The following ENOSF1 variants were observed in gnomAD, a reference collection of about 807,000 sequenced individuals.
ENOSF1 encodes mitochondrial enolase superfamily member 1.
A neutral mutation model predicts 68.2 loss-of-function variants in ENOSF1; 73 were observed. The ratio of observed to expected loss-of-function variants is 1.07; its 90% CI spans 0.89 to 1.30. The LOEUF (loss-of-function observed/expected upper bound fraction) is 1.30, where lower values mean the gene tolerates loss of function less well. ENOSF1 is among the 50% of genes most tolerant of loss of function. The pLI, the probability that ENOSF1 is intolerant of heterozygous loss-of-function variation, is 0.00. For missense variants in ENOSF1, 589 were observed against 554.5 expected (o/e 1.06, Z -0.62); for synonymous variants, 223 against 210.4 (o/e 1.06, Z -0.52).
rs371338692 is a variant in ENOSF1, at chr18:697,333, G to A, written c.216C>T (p.Leu72=). 13 of 1,613,594 alleles carry A rather than the reference G, an allele frequency of 8.1e-6. No individual in the cohort carries two copies. The highest frequency in any genetic ancestry group is 4.4e-5 in the South Asian group (4 of 91,062). ...TEVVVCAVNA[L]AHHVLNKDLK... ...GGTCCTTGTTGAGCACATGGTGGGC[G>A]AGGGCATTCACAGCACAGACAACTA... The change falls in exon 3 of 16, where the codon CTC becomes CTT. Residue 72 remains leucine (L), a synonymous_variant. Coordinates refer to ENST00000647584, the MANE Select transcript of ENOSF1 (RefSeq NM_017512.7).
intron 1 of ENOSF1, among the ~76,000 whole-genome samples, chr18:708,216 G>A (rs925125986): frequency 1.3e-5 from 2 of 152,130 alleles, no homozygotes; most frequent in Non-Finnish European, 2.9e-5. Context: ...TCGTGGCTGA[G>A]GGAGCTGTAT....
intron 2 of ENOSF1, among the ~76,000 whole-genome samples, chr18:700,563 G>A (rs923963701): frequency 6.6e-6 from 1 of 152,116 alleles, no homozygotes; most frequent in Admixed American, 6.5e-5. Flanking sequence ...CTCAACAGGA[G>A]ACTAGAATTT....
intron 14 of ENOSF1, among the ~76,000 whole-genome samples, chr18:677,128 AAT>A (rs1222850492): frequency 6.6e-6 from 1 of 152,216 alleles, no homozygotes; most frequent in African/African-American, 2.4e-5. Context: ...GTACTTAAAA[AAT>A]AAAGTGAGTC....
Position 670,875 on chromosome 18 carries a change from G to C in ENOSF1, c.*3430C>G, listed in dbSNP as rs371169718. 14 of 1,613,576 alleles carry C rather than the reference G, an allele frequency of 8.7e-6. No individual in the cohort carries two copies. In the African/African-American group the frequency reaches 1.9e-4, roughly 22 times the overall value. On this transcript the variant is annotated 3_prime_UTR_variant, in exon 16 of 16. Coordinates refer to ENST00000647584, the MANE Select transcript of ENOSF1 (RefSeq NM_017512.7). ...CACATCACGGGCCTGAAGGTGGGCT[G>C]TCTCGGGAAGGGTGACTTGCCAGCC...
downstream of ENOSF1, chr18:668,956 G>C: frequency 1.3e-6 from 1 of 759,390 alleles, no homozygotes; most frequent in Non-Finnish European, 2.1e-6. Flanking sequence ...ATGTCTTGTA[G>C]CCATGGGTCA....
intron 2 of ENOSF1, among the ~76,000 whole-genome samples, chr18:698,678 T>C (rs992004945): frequency 6.6e-6 from 1 of 152,140 alleles, no homozygotes; most frequent in African/African-American, 2.4e-5. Context: ...TGGAGTGCAG[T>C]GGCGGGATCT....
intron 12 of ENOSF1, chr18:678,196 C>T: frequency 3.3e-6 from 1 of 305,732 alleles, no homozygotes. Context: ...AATACGGTGA[C>T]AGTGATGAGC....
chr18:708,479 T>A (rs1261919197), intron 1 of ENOSF1, among the ~76,000 whole-genome samples: 1 of 152,022 alleles, frequency 6.6e-6, no homozygotes, highest in Non-Finnish European at 1.5e-5. Flanking sequence ...GAGACTAGCC[T>A]GGGCAACAAA....
intron 2 of ENOSF1, among the ~76,000 whole-genome samples, chr18:697,609 G>A (rs904235723): frequency 1.3e-5 from 2 of 151,886 alleles, no homozygotes; most frequent in African/African-American, 4.8e-5. Context: ...AAATTAGCAG[G>A]GCACAGTGGT....
At chr18:684,153 C>T (rs1023179510) in intron 10 of ENOSF1, among the ~76,000 whole-genome samples, 4 of 151,918 alleles carry the variant, frequency 2.6e-5, no homozygotes, top group African/African-American at 9.7e-5. Flanking sequence ...ACCACCACAC[C>T]AGGCTATTTT....
At chr18:696,943 C>A (rs1444528219) in intron 3 of ENOSF1, among the ~76,000 whole-genome samples, 1 of 151,942 alleles carries the variant, frequency 6.6e-6, no homozygotes, top group Non-Finnish European at 1.5e-5. Context: ...GTGGTCAAAC[C>A]CCATCTCTAC....
intron 2 of ENOSF1, among the ~76,000 whole-genome samples, chr18:697,693 G>A (rs1270564473): frequency 1.3e-5 from 2 of 152,256 alleles, no homozygotes; most frequent in Non-Finnish European, 2.9e-5. Context: ...AGAGGTTGCA[G>A]TGAGCCGAGA....
chr18:669,011 C>CCAT, downstream of ENOSF1: 1 of 1,381,604 alleles, frequency 7.2e-7, no homozygotes. Context: ...ACCTCTAAGG[C>CCAT]CATCTCATGA....
intron 15 of ENOSF1, 52 bp downstream of exon 15, chr18:675,269 T>G (rs1197177937): frequency 1.4e-6 from 2 of 1,381,364 alleles, no homozygotes; most frequent in Non-Finnish European, 2.0e-6. Context: ...GAGACAGGCG[T>G]GGCAGTGGCT....
rs558986489 is a variant in ENOSF1, at chr18:674,042, G to T, written c.*263C>A. The T allele has an allele frequency of 6.1e-5, 19 of 312,220 alleles. No homozygotes were observed. The highest frequency in any genetic ancestry group is 9.7e-5 in the Admixed American group (2 of 20,520). The allele number at this position is 312,220 out of a possible 1,614,324, so 19.3% of individuals were successfully genotyped here. On this transcript the variant is annotated 3_prime_UTR_variant, in exon 16 of 16. Coordinates refer to ENST00000647584, the MANE Select transcript of ENOSF1 (RefSeq NM_017512.7). ...GTTTAATGTCTAGGTGCCAGCCCTTGATATAGCTATTTTTGTAAGAACATC... is the reference window on the plus strand; with the variant it reads ...GTTTAATGTCTAGGTGCCAGCCCTTTATATAGCTATTTTTGTAAGAACATC...
chr18:705,145 A>C (rs1306426331), intron 2 of ENOSF1, among the ~76,000 whole-genome samples: 1 of 152,246 alleles, frequency 6.6e-6, no homozygotes, highest in Non-Finnish European at 1.5e-5. Flanking sequence ...TCAATGGGCC[A>C]AGATTTTTTT....
downstream of ENOSF1, chr18:669,366 ATTTTTT>A (rs68090938): frequency 7.9e-4 from 152 of 192,090 alleles, no homozygotes; most frequent in Middle Eastern, 6.2e-3. Context: ...GGCCCAGAGG[ATTTTTT>A]TTTTTTTTTT....
At chr18:678,595 C>G (rs547887352) in intron 12 of ENOSF1, 101 bp downstream of exon 12, 7 of 1,151,274 alleles carry the variant, frequency 6.1e-6, no homozygotes, top group East Asian at 4.7e-5. Context: ...ACTCAAAGTA[C>G]AGCAGGTGAT....
rs1181232958 is a variant in ENOSF1 at position 671,224 on chromosome 18, A to G, written c.*3081T>C. 14 of 650,586 alleles carry G rather than the reference A, an allele frequency of 2.2e-5. No homozygotes were observed. The highest frequency in any genetic ancestry group is 7.4e-5 in the South Asian group (4 of 54,036). The allele number at this position is 650,586 out of a possible 1,614,324, so 40.3% of individuals were successfully genotyped here. On this transcript the variant is annotated 3_prime_UTR_variant, in exon 16 of 16. Transcript: ENST00000647584. ...GGAGTTCAATACCAGCCTGGGCAAC[A>G]TAACAAGATGCTGTTGCTACAAAAA...
Sources: gnomAD v4.1 joint callset for allele counts (sites outside exome capture counted in the v4.1 genomes callset) on GRCh38, gnomAD v4.1.1 for gene constraint, MANE v1.5 for transcripts, NCBI Gene and HGNC (gene_info 2026-07-23, HGNC 2026-07-21) for gene names.